The following KCNMB2 variants were observed in gnomAD, a reference collection of about 807,000 sequenced individuals.
The protein encoded by KCNMB2 is calcium-activated potassium channel subunit beta-2.
KCNMB2 carries 9 observed loss-of-function variants against 24.5 expected under a neutral mutation model. That is an observed-to-expected ratio of 0.37 (90% CI 0.22 to 0.64). KCNMB2 has a LOEUF of 0.64. Among genes scored for constraint, KCNMB2 ranks in the 30% least tolerant of loss-of-function variants. The pLI is 0.63. For missense variants in KCNMB2, 226 were observed against 284.3 expected (o/e 0.79, Z 1.47); for synonymous variants, 109 against 104.4 (o/e 1.04, Z -0.27).
rs1713989501 is a variant in KCNMB2 at position 178,806,791 on chromosome 3, CT to C, written c.-67-551del. Among the ~76,000 whole-genome samples the C allele has an allele frequency of 3.3e-5, 5 of 152,198 alleles. No homozygotes were observed. The South Asian group carries it at 1.0e-3, about 32-fold the overall frequency. On this transcript the variant is annotated intron_variant, in intron 1 of 4. Coordinates refer to ENST00000452583, the MANE Select transcript of KCNMB2 (RefSeq NM_181361.3). ...TTCTCCAGAAGCCAGTGAGTATCAG[CT>C]GCCACTGATGCTGTAATTTTCTTAG...
chr3:178,546,794 T>C (rs995008167), intron 1 of KCNMB2, among the ~76,000 whole-genome samples: 3 of 152,314 alleles, frequency 2.0e-5, no homozygotes, highest in South Asian at 2.1e-4. Context: ...GACAAGGTAA[T>C]TGCACTTTCC....
chr3:178,733,898 T>C (rs1030649878), intron 1 of KCNMB2, among the ~76,000 whole-genome samples: 1 of 152,100 alleles, frequency 6.6e-6, no homozygotes, highest in Non-Finnish European at 1.5e-5. Flanking sequence ...TAAGAAATAA[T>C]GGTAGCTGGA....
At chr3:178,835,830 GC>G (rs1715208352) in intron 4 of KCNMB2, among the ~76,000 whole-genome samples, 1 of 151,936 alleles carries the variant, frequency 6.6e-6, no homozygotes, top group Non-Finnish European at 1.5e-5. Flanking sequence ...TTACTGAAAG[GC>G]TTTTTAGCCA....
chr3:178,761,744 G>A (rs78683193), intron 1 of KCNMB2, among the ~76,000 whole-genome samples: 21,458 of 152,118 alleles, frequency 0.14, 1,855 homozygotes, highest in Non-Finnish European at 0.18. Context: ...AAGCACTGAA[G>A]AAAAGCTATA....
At chr3:178,625,925 A>C (rs1192135376) in intron 1 of KCNMB2, among the ~76,000 whole-genome samples, 1 of 152,232 alleles carries the variant, frequency 6.6e-6, no homozygotes, top group Admixed American at 6.5e-5. Context: ...TCTTGCCATA[A>C]GTATTAGTGA....
At chr3:178,723,101 G>A (rs995161144) in intron 1 of KCNMB2, among the ~76,000 whole-genome samples, 1 of 152,028 alleles carries the variant, frequency 6.6e-6, no homozygotes, top group African/African-American at 2.4e-5. Context: ...CTACCACATT[G>A]TCTTACTATA....
At chr3:178,545,002 A>T (rs1715732310) in intron 1 of KCNMB2, among the ~76,000 whole-genome samples, 1 of 152,142 alleles carries the variant, frequency 6.6e-6, no homozygotes, top group African/African-American at 2.4e-5. Flanking sequence ...AATCAAGTAA[A>T]TGCCTTATCT....
At chr3:178,642,438 C>T (rs1046281896) in intron 1 of KCNMB2, among the ~76,000 whole-genome samples, 1 of 152,126 alleles carries the variant, frequency 6.6e-6, no homozygotes, top group Non-Finnish European at 1.5e-5. Context: ...ACACCCACCA[C>T]CAGCACCACC....
At chr3:178,715,999 T>C (rs1419930483) in intron 1 of KCNMB2, among the ~76,000 whole-genome samples, 1 of 152,210 alleles carries the variant, frequency 6.6e-6, no homozygotes, top group African/African-American at 2.4e-5. Context: ...TTCCTGTCAG[T>C]GCCTCTGACC....
At chr3:178,588,212 A>C (rs1311110252) in intron 1 of KCNMB2, among the ~76,000 whole-genome samples, 2 of 152,022 alleles carry the variant, frequency 1.3e-5, no homozygotes, top group Non-Finnish European at 2.9e-5. Flanking sequence ...GCCTTTAAGA[A>C]GCTCATAGTC....
chr3:178,626,091 C>T (rs933701303), intron 1 of KCNMB2, among the ~76,000 whole-genome samples: 1 of 152,150 alleles, frequency 6.6e-6, no homozygotes, highest in Non-Finnish European at 1.5e-5. Context: ...TTCTCTCATA[C>T]CACTGAGGAA....
At position 178,810,995 on chromosome 3, in the gene KCNMB2, G is replaced by A. The variant is rs371491806; in HGVS notation, c.56+3530G>A. On this transcript the variant is annotated intron_variant, in intron 2 of 4. Transcript: ENST00000452583. ...TCTCAATCTCCTGACCTCGTGATCCGCCCACCTCAGCCTCCCAAAGTGCTG... is the reference window on the plus strand; with the variant it reads ...TCTCAATCTCCTGACCTCGTGATCCACCCACCTCAGCCTCCCAAAGTGCTG... Among the ~76,000 whole-genome samples the A allele has an allele frequency of 3.8e-4, 54 of 140,496 alleles. 1 individual carries two copies. In the South Asian group the frequency reaches 0.011, roughly 29 times the overall value. The allele number at this position is 140,496 out of a possible 152,430, so 92.2% of individuals were successfully genotyped here.
intron 1 of KCNMB2, among the ~76,000 whole-genome samples, chr3:178,640,494 C>T (rs759399155): frequency 2.0e-5 from 3 of 152,200 alleles, no homozygotes; most frequent in Non-Finnish European, 4.4e-5. Context: ...CTTCCCACCA[C>T]GTCCCTCCCC....
intron 1 of KCNMB2, among the ~76,000 whole-genome samples, chr3:178,756,644 T>C (rs576887068): frequency 6.6e-6 from 1 of 152,146 alleles, no homozygotes; most frequent in Non-Finnish European, 1.5e-5. Context: ...TCAGGCATCA[T>C]CTCATGAATC....
intron 1 of KCNMB2, among the ~76,000 whole-genome samples, chr3:178,760,435 A>G (rs1711792132): frequency 7.1e-6 from 1 of 140,542 alleles, no homozygotes; most frequent in African/African-American, 2.6e-5. Context: ...CATATCCAAG[A>G]TATATATATT....
At chr3:178,725,418 C>G (rs1412609926) in intron 1 of KCNMB2, among the ~76,000 whole-genome samples, 1 of 151,976 alleles carries the variant, frequency 6.6e-6, no homozygotes, top group South Asian at 2.1e-4. Context: ...AAAGTTATCA[C>G]CACTAACAAT....
At chr3:178,671,988 T>C (rs1160543026) in intron 1 of KCNMB2, among the ~76,000 whole-genome samples, 1 of 152,166 alleles carries the variant, frequency 6.6e-6, no homozygotes, top group Non-Finnish European at 1.5e-5. Context: ...AAATCTTTTC[T>C]AGTAATAACA....
intron 1 of KCNMB2, among the ~76,000 whole-genome samples, chr3:178,542,351 C>G (rs1715648158): frequency 6.6e-6 from 1 of 152,052 alleles, no homozygotes; most frequent in Admixed American, 6.6e-5. Flanking sequence ...ATAATATATA[C>G]CACTTTCCCA....
intron 1 of KCNMB2, among the ~76,000 whole-genome samples, chr3:178,650,969 A>G (rs143251743): frequency 6.6e-6 from 1 of 152,354 alleles, no homozygotes; most frequent in East Asian, 1.9e-4. Flanking sequence ...AATGGGCAAG[A>G]GCTGGAAGCA....
Sources: gnomAD v4.1 joint callset for allele counts (sites outside exome capture counted in the v4.1 genomes callset) on GRCh38, gnomAD v4.1.1 for gene constraint, MANE v1.5 for transcripts, NCBI Gene and HGNC (gene_info 2026-07-23, HGNC 2026-07-21) for gene names.